The following EPS8 variants were observed in gnomAD, a reference collection of about 807,000 sequenced individuals.
EPS8 encodes the protein EGFR pathway substrate 8, signaling adaptor.
EPS8 carries 42 observed loss-of-function variants against 103.8 expected under a neutral mutation model. That is an observed-to-expected ratio of 0.40 (90% confidence interval 0.32 to 0.52). The LOEUF (loss-of-function observed/expected upper bound fraction) is 0.52, where lower values mean the gene tolerates loss of function less well. Ranked by LOEUF, EPS8 falls within the 20% of genes least tolerant of loss-of-function variation. The pLI is 0.40. For missense variants in EPS8, 969 were observed against 1,005.1 expected (o/e 0.96, Z 0.49); for synonymous variants, 344 against 344.6 (o/e 1.00, Z 0.02).
rs749689381 is a variant in EPS8 at position 15,769,917 on chromosome 12, T to A, written c.-22+19244A>T. On this transcript the variant is annotated intron_variant, in intron 1 of 20. Transcript: ENST00000281172. The surrounding 1 kb of genome is among the most constrained non-coding windows in gnomAD (Gnocchi z 4.6). ...ATAGTTCCAGTGCCACAATTATTTG[T>A]AATTTTCATGTTTTTTTAATTAGGT... Among the ~76,000 whole-genome samples, 49 of 152,068 alleles carry A rather than the reference T, an allele frequency of 3.2e-4. No individual in the cohort carries two copies. The highest frequency in any genetic ancestry group is 8.8e-5 in the Non-Finnish European group (6 of 67,988).
At chr12:15,632,832 C>T (rs1945071072) in intron 17 of EPS8, among the ~76,000 whole-genome samples, 1 of 152,038 alleles carries the variant, frequency 6.6e-6, no homozygotes, top group Non-Finnish European at 1.5e-5. Context: ...TTCATCAGTC[C>T]ACTTCACGGC....
At chr12:15,626,160 A>G (rs138442820) in intron 18 of EPS8, among the ~76,000 whole-genome samples, 1 of 152,172 alleles carries the variant, frequency 6.6e-6, no homozygotes. Context: ...CCAATCCATC[A>G]GCAGATCCTG....
At chr12:15,668,006 C>T (rs1179826995) in intron 6 of EPS8, among the ~76,000 whole-genome samples, 1 of 152,150 alleles carries the variant, frequency 6.6e-6, no homozygotes, top group Non-Finnish European at 1.5e-5. Context: ...CAGATACAAA[C>T]ATCAAATTTG....
Position 15,654,229 on chromosome 12 carries a change from T to C in EPS8, c.1166A>G (p.Asp389Gly). ...SSVLSPLLNK[D>G]TIDFLNYTVN... Reference sequence around the variant, plus strand: ...AGTATAATTTAAGAAATCAATTGTGTCCTTATTCAATAGGGGACTAAGTAC... The same window carrying C: ...AGTATAATTTAAGAAATCAATTGTGCCCTTATTCAATAGGGGACTAAGTAC... Residue 389 changes from aspartate to glycine, a missense_variant, in exon 13 of 21, where the codon GAC becomes GGC. Coordinates refer to ENST00000281172, the MANE Select transcript of EPS8 (RefSeq NM_004447.6). 6.2e-7 allele frequency: 1 copy of C among 1,613,492 alleles called. No homozygotes were observed. The highest frequency in any genetic ancestry group is 2.2e-5 in the East Asian group (1 of 44,866).
At position 15,762,888 on chromosome 12, in the gene EPS8, A is replaced by G. The variant is rs1210437651; in HGVS notation, c.-22+26273T>C. Among the ~76,000 whole-genome samples the G allele has an allele frequency of 1.3e-5, 2 of 152,170 alleles. No homozygotes were observed. The highest frequency in any genetic ancestry group is 2.9e-5 in the Non-Finnish European group (2 of 68,018). On this transcript the variant is annotated intron_variant, in intron 1 of 20. Transcript: ENST00000281172. This position sits in a 1 kb window ranked among gnomAD's most constrained non-coding sequence, Gnocchi z 4.8. The stretch of plus-strand genomic sequence containing the variant: ...TAGTCAATAATAATTTAATTGTACT[A>G]TTCTGCATAGTGGTTACAGCTATTT...
At position 15,702,371 on chromosome 12, in the gene EPS8, T is replaced by C. The variant is rs1403373150; in HGVS notation, c.-21-19399A>G. Among the ~76,000 whole-genome samples the C allele has an allele frequency of 5.9e-5, 9 of 152,236 alleles. No homozygotes were observed. Among genetic ancestry groups the C allele is most frequent in the Non-Finnish European group, 1.2e-4 (8 of 68,038 alleles). ...TAGCACTGGAAATTAATTCATTCTT[T>C]TGAGTTAAGCATTTTCATCCATAGG... is the stretch of plus-strand genomic sequence containing the variant. On this transcript the variant is annotated intron_variant, in intron 1 of 20. Coordinates refer to ENST00000281172, the MANE Select transcript of EPS8 (RefSeq NM_004447.6). The surrounding 1 kb of genome is among the most constrained non-coding windows in gnomAD (Gnocchi z 5.1).
At chr12:15,644,828 C>T (rs536030781) in intron 15 of EPS8, among the ~76,000 whole-genome samples, 5 of 152,236 alleles carry the variant, frequency 3.3e-5, no homozygotes, top group Admixed American at 2.0e-4. Flanking sequence ...TTCCAAACCT[C>T]TGTGTATTTT....
intron 3 of EPS8, among the ~76,000 whole-genome samples, chr12:15,674,507 C>T (rs1014877250): frequency 6.6e-6 from 1 of 152,174 alleles, no homozygotes; most frequent in African/African-American, 2.4e-5. Context: ...GTGATAATTA[C>T]AAGCTCTCAA....
rs534823297 is a variant in EPS8, at chr12:15,708,007, A to G, written c.-21-25035T>C. Among the ~76,000 whole-genome samples, 19 of 152,294 alleles carry G rather than the reference A, an allele frequency of 1.2e-4. No homozygotes were observed. In the South Asian group the frequency reaches 3.7e-3, roughly 30 times the overall value. Reference sequence around the variant, plus strand: ...ATGAGTTCCTGTTATTGCTCTGCCTATGATGATCTGTGCATTCTTACCCTG... The same window carrying G: ...ATGAGTTCCTGTTATTGCTCTGCCTGTGATGATCTGTGCATTCTTACCCTG... On this transcript the variant is annotated intron_variant, in intron 1 of 20. Coordinates refer to ENST00000281172, the MANE Select transcript of EPS8 (RefSeq NM_004447.6).
At chr12:15,621,741 C>T (rs1944865640) in intron 20 of EPS8, among the ~76,000 whole-genome samples, 2 of 152,094 alleles carry the variant, frequency 1.3e-5, no homozygotes, top group Non-Finnish European at 2.9e-5. Context: ...GTACAATAAG[C>T]ATAATAACAT....
rs115092176 is a variant in EPS8, at chr12:15,747,056, C to T, written c.-22+42105G>A. On this transcript the variant is annotated intron_variant, in intron 1 of 20. Transcript: ENST00000281172. The surrounding 1 kb of genome is among the most constrained non-coding windows in gnomAD (Gnocchi z 4.4). The stretch of plus-strand genomic sequence containing the variant: ...CTCAACAGTCAATACATATTTTGTA[C>T]GCAGGAAGTGTTCAGAGAAAATAAA... 8.5e-3 allele frequency among the ~76,000 whole-genome samples: 1,296 copies of T among 152,218 alleles called. 17 individuals carry two copies. Among genetic ancestry groups the T allele is most frequent in the African/African-American group, 0.028 (1,148 of 41,506 alleles).
At chr12:15,641,693 A>G in intron 16 of EPS8, 29 bp downstream of exon 16, 2 of 1,094,204 alleles carry the variant, frequency 1.8e-6, no homozygotes, top group Non-Finnish European at 2.7e-6. Flanking sequence ...TACTTTATTA[A>G]GAGTATAAAA....
At chr12:15,651,616 T>G (rs1945416660) in intron 13 of EPS8, among the ~76,000 whole-genome samples, 1 of 152,212 alleles carries the variant, frequency 6.6e-6, no homozygotes, top group African/African-American at 2.4e-5. Flanking sequence ...CATCATTTAA[T>G]GACACTGAGT....
chr12:15,740,646 T>C (rs1946811747), intron 1 of EPS8, among the ~76,000 whole-genome samples: 1 of 152,024 alleles, frequency 6.6e-6, no homozygotes, highest in South Asian at 2.1e-4. Context: ...ATATGTGTCA[T>C]ATAGATTTAA....
chr12:15,725,187 T>C lies in EPS8; in HGVS notation c.-21-42215A>G, dbSNP rs1178630828. Reference sequence around the variant, plus strand: ...CAGGATAAGCCAGCAAATCTGATACTTACCTGCTAGATAACTGAAGCAATT... The same window carrying C: ...CAGGATAAGCCAGCAAATCTGATACCTACCTGCTAGATAACTGAAGCAATT... On this transcript the variant is annotated intron_variant, in intron 1 of 20. Coordinates refer to ENST00000281172, the MANE Select transcript of EPS8 (RefSeq NM_004447.6). The surrounding 1 kb of genome is among the most constrained non-coding windows in gnomAD (Gnocchi z 4.5). Among the ~76,000 whole-genome samples, 1 of 152,190 alleles carries C rather than the reference T, an allele frequency of 6.6e-6. No individual in the cohort carries two copies. The highest frequency in any genetic ancestry group is 2.4e-5 in the African/African-American group (1 of 41,452).
Position 15,785,010 on chromosome 12 carries a change from C to T in EPS8, c.-22+4151G>A, listed in dbSNP as rs115446024. Among the ~76,000 whole-genome samples the T allele has an allele frequency of 8.7e-3, 1,330 of 152,108 alleles. 21 individuals carry two copies. The highest frequency in any genetic ancestry group is 0.03 in the African/African-American group (1,231 of 41,522). On this transcript the variant is annotated intron_variant, in intron 1 of 20. Coordinates refer to ENST00000281172, the MANE Select transcript of EPS8 (RefSeq NM_004447.6). This position sits in a 1 kb window ranked among gnomAD's most constrained non-coding sequence, Gnocchi z 4.9. ...GGATTTGTAATGTGTTGAAATTATTCGGTATGATACTATGATCCTATAAGG... is the reference window on the plus strand; with the variant it reads ...GGATTTGTAATGTGTTGAAATTATTTGGTATGATACTATGATCCTATAAGG...
intron 14 of EPS8, among the ~76,000 whole-genome samples, chr12:15,647,615 C>T (rs955153614): frequency 1.4e-4 from 21 of 152,200 alleles, no homozygotes; most frequent in African/African-American, 4.6e-4. Flanking sequence ...ATAGTATTTT[C>T]AATATTTTTA....
chr12:15,768,877 G>A (rs575437527), intron 1 of EPS8, among the ~76,000 whole-genome samples: 1 of 152,242 alleles, frequency 6.6e-6, no homozygotes, highest in East Asian at 1.9e-4. Flanking sequence ...CACACCTTTT[G>A]ATTCAAAAAG....
chr12:15,663,715 G>A (rs1018646579), intron 8 of EPS8, among the ~76,000 whole-genome samples: 51 of 151,376 alleles, frequency 3.4e-4, no homozygotes, highest in Non-Finnish European at 6.2e-4. Context: ...ACGAGGTCAG[G>A]AGATCAAGAC....
Sources: allele counts gnomAD v4.1 joint callset (sites outside exome capture counted in the v4.1 genomes callset), GRCh38; gene constraint gnomAD v4.1.1; non-coding constraint Gnocchi (gnomAD v3.1); transcripts MANE v1.5; gene names NCBI Gene and HGNC (gene_info 2026-07-23, HGNC 2026-07-21).